UIMC1: variants seen among roughly 807,000 people sequenced by gnomAD.
The protein encoded by UIMC1 is BRCA1-A complex subunit RAP80.
UIMC1 carries 42 observed loss-of-function variants against 84.9 expected under a neutral mutation model. The observed-to-expected ratio is 0.49, with a 90% confidence interval of 0.39 to 0.64. The LOEUF (loss-of-function observed/expected upper bound fraction) is 0.64. Among genes scored for constraint, UIMC1 ranks in the 30% least tolerant of loss-of-function variants. UIMC1 has a pLI of 0.00. For missense variants in UIMC1, 825 were observed against 847.6 expected, an observed-to-expected ratio of 0.97 and a Z score of 0.33; for synonymous variants, 281 against 293.0, an observed-to-expected ratio of 0.96 and a Z score of 0.42.
upstream of UIMC1, among the ~76,000 whole-genome samples, chr5:177,008,174 A>C (rs1375535227): frequency 6.6e-6 from 1 of 152,000 alleles, no homozygotes; most frequent in Non-Finnish European, 1.5e-5. Context: ...GGGTAATCGA[A>C]CGTGGAACTA....
At chr5:176,968,138 CCAAGGCATGCAGATCA>C (rs1210849833) in intron 6 of UIMC1, among the ~76,000 whole-genome samples, 1 of 151,946 alleles carries the variant, frequency 6.6e-6, no homozygotes, top group Non-Finnish European at 1.5e-5. Context: ...CTTTGGGAGG[CCAAGGCATGCAGATCA>C]CAAGGTCAGG....
intron 10 of UIMC1, among the ~76,000 whole-genome samples, chr5:176,934,659 G>C (rs982574349): frequency 6.6e-6 from 1 of 152,194 alleles, no homozygotes; most frequent in Non-Finnish European, 1.5e-5. Flanking sequence ...GATACTAACA[G>C]AATTTCTCAT....
chr5:176,948,698 T>C (rs921821267), intron 9 of UIMC1, among the ~76,000 whole-genome samples: 1 of 152,222 alleles, frequency 6.6e-6, no homozygotes, highest in Admixed American at 6.5e-5. Flanking sequence ...AAACTATAAA[T>C]AGCTGCCTAG....
intron 2 of UIMC1, among the ~76,000 whole-genome samples, chr5:176,977,407 C>T (rs1770269337): frequency 1.3e-5 from 2 of 151,746 alleles, no homozygotes; most frequent in African/African-American, 2.4e-5. Context: ...CTATCCAAAA[C>T]GTGCGTTCTT....
intron 4 of UIMC1, 100 bp downstream of exon 4, chr5:176,970,642 A>G (rs1167916456): frequency 3.8e-6 from 6 of 1,585,888 alleles, no homozygotes; most frequent in Non-Finnish European, 5.2e-6. Flanking sequence ...TGAAAACCCT[A>G]TAAATGACTA....
intron 10 of UIMC1, among the ~76,000 whole-genome samples, chr5:176,942,695 A>G (rs1374848313): frequency 2.0e-5 from 3 of 150,492 alleles, no homozygotes; most frequent in Admixed American, 6.6e-5. Flanking sequence ...TCAGTGAGCC[A>G]AGATCGCACC....
chr5:176,938,189 CAAAAAAA>C (rs1170386962), intron 10 of UIMC1, among the ~76,000 whole-genome samples: 6 of 56,340 alleles, frequency 1.1e-4, no homozygotes, highest in East Asian at 5.9e-4. Flanking sequence ...GACCCTGTCT[CAAAAAAA>C]AAAAAAAAAA....
chr5:176,928,917 C>G lies in UIMC1; in HGVS notation c.1597+14418G>C, dbSNP rs370735345. ...AGTGAGAGGAGATCGCGCCACTGCA[C>G]TCCAACCTGGGCAACAGAGTGAAAC... is the stretch of plus-strand genomic sequence containing the variant. On this transcript the variant is annotated intron_variant, in intron 10 of 14. Transcript: ENST00000511320. 6.0e-5 allele frequency among the ~76,000 whole-genome samples: 9 copies of G among 150,818 alleles called. No homozygotes were observed. In the East Asian group the frequency reaches 1.6e-3, roughly 26 times the overall value.
chr5:176,979,886 G>T (rs982868663), intron 2 of UIMC1, among the ~76,000 whole-genome samples: 1 of 152,102 alleles, frequency 6.6e-6, no homozygotes, highest in South Asian at 2.1e-4. Context: ...GTGTCTGTCC[G>T]GGTGTTTGCA....
At chr5:176,960,578 TAAAAAAA>T (rs1341266221) in intron 6 of UIMC1, among the ~76,000 whole-genome samples, 1 of 85,490 alleles carries the variant, frequency 1.2e-5, no homozygotes, top group Non-Finnish European at 2.1e-5. Flanking sequence ...CATTGAATCT[TAAAAAAA>T]AAAAAAAATT....
intron 10 of UIMC1, among the ~76,000 whole-genome samples, chr5:176,931,239 C>T (rs939165287): frequency 1.3e-5 from 2 of 152,054 alleles, no homozygotes; most frequent in Admixed American, 1.3e-4. Context: ...GTATTAATTT[C>T]TTGAACTTTT....
chr5:176,957,330 A>C (rs774263644), intron 7 of UIMC1, among the ~76,000 whole-genome samples: 36 of 152,324 alleles, frequency 2.4e-4, no homozygotes, highest in Non-Finnish European at 3.8e-4. Flanking sequence ...GTTCAAAACT[A>C]AGCTCTTGAG....
chr5:176,992,013 T>G (rs1032838698), intron 1 of UIMC1, among the ~76,000 whole-genome samples: 2 of 151,964 alleles, frequency 1.3e-5, no homozygotes, highest in Non-Finnish European at 2.9e-5. Context: ...TCCCAGCTAC[T>G]TGAGAGGCTA....
At chr5:176,995,485 C>T (rs1364673127) in intron 1 of UIMC1, among the ~76,000 whole-genome samples, 5 of 140,416 alleles carry the variant, frequency 3.6e-5, no homozygotes, top group Non-Finnish European at 7.5e-5. Context: ...ACTCAGGAGC[C>T]GAGACCATAC....
At chr5:177,006,271 G>C (rs1019417341) in intron 1 of UIMC1, 6 of 152,376 alleles carry the variant, frequency 3.9e-5, no homozygotes, top group African/African-American at 1.4e-4. Context: ...CCCAACCCGC[G>C]TCCCGAACCC....
chr5:176,964,014 C>T (rs1194022195), intron 6 of UIMC1, among the ~76,000 whole-genome samples: 1 of 152,158 alleles, frequency 6.6e-6, no homozygotes, highest in African/African-American at 2.4e-5. Flanking sequence ...ATGCCAAAAA[C>T]CAGTTATCAT....
chr5:177,012,728 A>ATT (rs1775577300), intron 1 of UIMC1, among the ~76,000 whole-genome samples: 1 of 151,836 alleles, frequency 6.6e-6, no homozygotes, highest in Non-Finnish European at 1.5e-5. Context: ...AAAAGAAACC[A>ATT]CACTGAATCA....
At chr5:176,983,774 G>A (rs183813746) in intron 1 of UIMC1, among the ~76,000 whole-genome samples, 333 of 140,786 alleles carry the variant, frequency 2.4e-3, no homozygotes, top group African/African-American at 7.6e-3. Context: ...CCGCCACCCC[G>A]TCTAGGAAGT....
intron 10 of UIMC1, among the ~76,000 whole-genome samples, chr5:176,923,902 C>G (rs200924037): frequency 0.38 from 36,177 of 94,886 alleles, 4,314 homozygotes; most frequent in African/African-American, 0.53. Flanking sequence ...CACACACAGA[C>G]ACACACACAC....
Sources: allele counts gnomAD v4.1 joint callset (sites outside exome capture counted in the v4.1 genomes callset), GRCh38; gene constraint gnomAD v4.1.1; transcripts MANE v1.5; gene names NCBI Gene and HGNC (gene_info 2026-07-23, HGNC 2026-07-21).